ATRNL1: variants seen among roughly 807,000 people sequenced by gnomAD.
ATRNL1 encodes attractin-like protein 1.
Under a neutral mutation model 182.7 loss-of-function variants are expected in ATRNL1, and 95 were observed. That is an observed-to-expected ratio of 0.52 (90% CI 0.44 to 0.62). The LOEUF is 0.62. Among genes scored for constraint, ATRNL1 ranks in the 20% least tolerant of loss-of-function variants. ATRNL1 has a pLI of 0.00. For missense variants in ATRNL1, 1,471 were observed against 1,679.5 expected, an observed-to-expected ratio of 0.88 and a Z score of 2.17; for synonymous variants, 576 against 568.3, an observed-to-expected ratio of 1.01 and a Z score of -0.19.
At chr10:115,144,323 A>AT (rs1403419895) in intron 5 of ATRNL1, among the ~76,000 whole-genome samples, 2 of 151,580 alleles carry the variant, frequency 1.3e-5, no homozygotes, top group East Asian at 1.9e-4. Flanking sequence ...AATTTTTTGT[A>AT]TTTTTTAGTA....
At chr10:115,904,943 G>A (rs981139212) in intron 28 of ATRNL1, among the ~76,000 whole-genome samples, 2 of 152,152 alleles carry the variant, frequency 1.3e-5, no homozygotes, top group Non-Finnish European at 1.5e-5. Context: ...TACATAAGAC[G>A]AGTTAGGATT....
At chr10:115,368,408 C>G (rs959710306) in intron 19 of ATRNL1, among the ~76,000 whole-genome samples, 1 of 152,194 alleles carries the variant, frequency 6.6e-6, no homozygotes, top group African/African-American at 2.4e-5. Context: ...CACCCACTGA[C>G]CTGCACCCAC....
At chr10:115,457,189 C>G (rs1325437908) in intron 21 of ATRNL1, among the ~76,000 whole-genome samples, 2 of 152,004 alleles carry the variant, frequency 1.3e-5, no homozygotes, top group Non-Finnish European at 2.9e-5. Flanking sequence ...CTCTCAAGCT[C>G]TCAGTGGAGA....
chr10:115,943,230 G>T (rs1398263597), intron 28 of ATRNL1, among the ~76,000 whole-genome samples: 1 of 152,120 alleles, frequency 6.6e-6, no homozygotes, highest in Non-Finnish European at 1.5e-5. Context: ...AGAATGAAAA[G>T]TCAAGCCATA....
intron 25 of ATRNL1, among the ~76,000 whole-genome samples, chr10:115,531,539 G>C (rs1383145784): frequency 1.5e-4 from 22 of 150,916 alleles, no homozygotes; most frequent in Middle Eastern, 3.5e-3. Flanking sequence ...TCCTTTGTCA[G>C]ATGAGTAGGT....
At chr10:115,406,177 G>T (rs1844821250) in intron 20 of ATRNL1, among the ~76,000 whole-genome samples, 1 of 152,060 alleles carries the variant, frequency 6.6e-6, no homozygotes, top group Admixed American at 6.6e-5. Flanking sequence ...CTTTATAGCA[G>T]CATGATTTAT....
chr10:115,500,127 C>A (rs979397011), intron 24 of ATRNL1, among the ~76,000 whole-genome samples: 1 of 152,058 alleles, frequency 6.6e-6, no homozygotes, highest in Non-Finnish European at 1.5e-5. Flanking sequence ...TTGACGTAGG[C>A]CACAGTACTT....
chr10:115,357,146 G>A (rs1478721714), intron 19 of ATRNL1, among the ~76,000 whole-genome samples: 2 of 151,824 alleles, frequency 1.3e-5, no homozygotes, highest in South Asian at 2.1e-4. Flanking sequence ...AATAAAAATG[G>A]TTCTTATGCC....
Position 115,383,738 on chromosome 10 carries a change from T to C in ATRNL1, c.3176-10921T>C, listed in dbSNP as rs369123585. ...TGAGGCACCTATCACAAAATGTCAT[T>C]TATAACAAATTATGCTACTTTACAA... is the stretch of plus-strand genomic sequence containing the variant. On this transcript the variant is annotated intron_variant, in intron 19 of 28. Transcript: ENST00000355044. 7.7e-4 allele frequency among the ~76,000 whole-genome samples: 117 copies of C among 151,184 alleles called. 2 individuals are homozygous for C. The South Asian group carries it at 0.024, about 31-fold the overall frequency.
chr10:115,145,847 G>C (rs1170165521), intron 5 of ATRNL1, among the ~76,000 whole-genome samples: 1 of 151,964 alleles, frequency 6.6e-6, no homozygotes, highest in East Asian at 1.9e-4. Flanking sequence ...TTTTGCTAAC[G>C]TAGCATAGTC....
At chr10:115,315,988 A>G (rs1854282597) in intron 18 of ATRNL1, among the ~76,000 whole-genome samples, 1 of 152,088 alleles carries the variant, frequency 6.6e-6, no homozygotes, top group African/African-American at 2.4e-5. Flanking sequence ...TTCTTTTTTA[A>G]TATTTTGTTA....
intron 27 of ATRNL1, among the ~76,000 whole-genome samples, chr10:115,797,797 C>T (rs1446611003): frequency 6.6e-6 from 1 of 152,168 alleles, no homozygotes; most frequent in Non-Finnish European, 1.5e-5. Context: ...GGGAGAAGTA[C>T]AGGAGCCAGC....
At chr10:115,398,079 G>A (rs1171353170) in intron 20 of ATRNL1, among the ~76,000 whole-genome samples, 2 of 151,922 alleles carry the variant, frequency 1.3e-5, no homozygotes, top group South Asian at 2.1e-4. Flanking sequence ...AATTGGTAGA[G>A]TATGGAGAGC....
intron 26 of ATRNL1, among the ~76,000 whole-genome samples, chr10:115,551,588 C>T (rs11197294): frequency 0.35 from 53,344 of 151,000 alleles, 11,123 homozygotes; most frequent in Non-Finnish European, 0.48. Context: ...CTACTGCTTC[C>T]GAAAAAGAAA....
intron 21 of ATRNL1, among the ~76,000 whole-genome samples, chr10:115,449,610 C>A (rs1847187830): frequency 6.6e-6 from 1 of 152,166 alleles, no homozygotes; most frequent in South Asian, 2.1e-4. Context: ...GGGTACCCCC[C>A]AGACACTGCC....
intron 24 of ATRNL1, among the ~76,000 whole-genome samples, chr10:115,473,604 G>T (rs1554972532): frequency 1.3e-5 from 2 of 151,266 alleles, no homozygotes; most frequent in African/African-American, 2.4e-5. Flanking sequence ...AAGTTCGGAA[G>T]TGTTCACTCT....
chr10:115,707,242 G>T (rs10787591), intron 26 of ATRNL1, among the ~76,000 whole-genome samples: 56,084 of 151,458 alleles, frequency 0.37, 11,139 homozygotes, highest in Admixed American at 0.53. Context: ...ACAATTCAGA[G>T]ACATCAAAAT....
intron 13 of ATRNL1, among the ~76,000 whole-genome samples, chr10:115,274,945 T>G (rs1852038160): frequency 6.6e-6 from 1 of 152,214 alleles, no homozygotes; most frequent in South Asian, 2.1e-4. Flanking sequence ...TCCATCTGTC[T>G]TCTGCATAGA....
rs1262364248 is a variant in ATRNL1, at chr10:115,584,215, T to C, written c.3795+34679T>C. Among the ~76,000 whole-genome samples the C allele has an allele frequency of 2.1e-5, 3 of 145,680 alleles. No homozygotes were observed. In the Admixed American group the frequency reaches 2.1e-4, roughly 10 times the overall value. ...AAGGATATTGGTCTAAAATTCTCTT[T>C]TTTGGTTGTGTCTCTGCCCGGCTTT... On this transcript the variant is annotated intron_variant, in intron 26 of 28. Coordinates refer to ENST00000355044, the MANE Select transcript of ATRNL1 (RefSeq NM_207303.4).
Sources: gnomAD v4.1 joint callset for allele counts (sites outside exome capture counted in the v4.1 genomes callset) on GRCh38, gnomAD v4.1.1 for gene constraint, MANE v1.5 for transcripts, NCBI Gene and HGNC (gene_info 2026-07-23, HGNC 2026-07-21) for gene names.